The following FAM227A variants were observed in gnomAD, a reference collection of about 807,000 sequenced individuals.
FAM227A encodes the protein family with sequence similarity 227 member A, also known as protein FAM227A.
In FAM227A, 80 loss-of-function variants were observed where a neutral mutation model predicts 74.7. The observed-to-expected ratio is 1.07, with a 90% confidence interval of 0.89 to 1.29. The LOEUF (loss-of-function observed/expected upper bound fraction) is 1.29. Among genes scored for constraint, FAM227A ranks in the 50% most tolerant of loss-of-function variants. The probability of loss-of-function intolerance (pLI) is 0.00; values close to 1 mark genes in which losing one functional copy is unlikely to be tolerated. For synonymous variants in FAM227A, 237 were observed against 241.8 expected (o/e 0.98, Z 0.19); for missense variants, 654 against 683.4 (o/e 0.96, Z 0.48).
intron 6 of FAM227A, among the ~76,000 whole-genome samples, chr22:38,631,600 G>C (rs946954501): frequency 6.6e-6 from 1 of 152,132 alleles, no homozygotes; most frequent in Non-Finnish European, 1.5e-5. Flanking sequence ...TCAGAGACGG[G>C]GAAAGCGTGT....
At chr22:38,613,042 T>A (rs774624802) in intron 11 of FAM227A, among the ~76,000 whole-genome samples, 29 of 116,786 alleles carry the variant, frequency 2.5e-4, no homozygotes, top group East Asian at 1.1e-3. Flanking sequence ...AAATATATTT[T>A]TATATATATA....
intron 9 of FAM227A, among the ~76,000 whole-genome samples, chr22:38,625,287 G>A (rs1569218542): frequency 6.6e-6 from 1 of 151,918 alleles, no homozygotes; most frequent in African/African-American, 2.4e-5. Context: ...TACTCGGGAG[G>A]CTGAGGCAGG....
chr22:38,613,258 T>TAAC (rs2091478843), intron 11 of FAM227A, among the ~76,000 whole-genome samples: 2 of 71,600 alleles, frequency 2.8e-5, no homozygotes, highest in African/African-American at 1.1e-4. Flanking sequence ...ATATAACATA[T>TAAC]ATTATAACAT....
In FAM227A at chr22:38,638,799, ACT is replaced by A. The variant is rs1211367633; in HGVS notation, c.317_318del (p.Gln106LeufsTer23). On this transcript the variant is annotated frameshift_variant, in exon 5 of 17. Transcript: ENST00000535113. LOFTEE classifies it high-confidence loss of function. Reference protein sequence around the residue: ...EDKVKRQRKSQYSCKGSELRH... With the variant: ...EDKVKRQRKSXYSCKGSELRH... ...CTGAGTTCGGAGCCTTTGCAGGAAT[ACT>A]GAGATTTCCTTTGTCTCTTGACTGC... The A allele has an allele frequency of 6.5e-7, 1 of 1,537,002 alleles. No individual in the cohort carries two copies. The highest frequency in any genetic ancestry group is 8.7e-7 in the Non-Finnish European group (1 of 1,143,022).
Position 38,647,396 on chromosome 22 carries a change from G to A in FAM227A, c.143-1751C>T, listed in dbSNP as rs1050842986. Among the ~76,000 whole-genome samples the A allele has an allele frequency of 9.2e-5, 14 of 152,104 alleles. No homozygotes were observed. In the South Asian group the frequency reaches 1.5e-3, roughly 16 times the overall value. ...GGAGAATCTCTTGAACCCAGGAGGC[G>A]GACGTTGCAGTGAGCTGAGATTGCG... On this transcript the variant is annotated intron_variant, in intron 2 of 16. Transcript: ENST00000535113.
chr22:38,609,809 T>C (rs371029630), intron 11 of FAM227A, among the ~76,000 whole-genome samples: 1 of 152,082 alleles, frequency 6.6e-6, no homozygotes, highest in Non-Finnish European at 1.5e-5. Context: ...TTCACTCTTG[T>C]TGCCCAGGCT....
chr22:38,647,730 C>T (rs769851463), intron 2 of FAM227A, among the ~76,000 whole-genome samples: 8 of 152,134 alleles, frequency 5.3e-5, no homozygotes, highest in Non-Finnish European at 7.3e-5. Flanking sequence ...AATCCTATCA[C>T]CCCTCACTCC....
chr22:38,617,631 C>T (rs901646983), intron 11 of FAM227A, among the ~76,000 whole-genome samples: 2 of 152,154 alleles, frequency 1.3e-5, no homozygotes, highest in Non-Finnish European at 2.9e-5. Flanking sequence ...CCTCCAATGC[C>T]ATTTGTTAAG....
chr22:38,626,891 A>AATAT lies in FAM227A; in HGVS notation c.727-592_727-589dup, dbSNP rs1555966997. 8.0e-3 allele frequency among the ~76,000 whole-genome samples: 464 copies of AATAT among 57,640 alleles called. 6 individuals carry two copies. Among genetic ancestry groups the AATAT allele is most frequent in the Middle Eastern group, 0.045 (3 of 66 alleles). The allele number at this position is 57,640 out of a possible 152,430, so 37.8% of individuals were successfully genotyped here. On this transcript the variant is annotated intron_variant, in intron 8 of 16. Coordinates refer to ENST00000535113, the MANE Select transcript of FAM227A (RefSeq NM_001013647.2). ...AAAAAAAAAAAAAAAAAAAAAAAAA[A>AATAT]ATATATATATATATATATATATACA...
intron 7 of FAM227A, 114 bp from the exon 8 acceptor site, chr22:38,628,456 T>G (rs138343900): frequency 5.2e-4 from 368 of 710,168 alleles, no homozygotes; most frequent in Middle Eastern, 4.4e-3. Flanking sequence ...ATTCTCAAGA[T>G]ATTTAGCCTC....
chr22:38,623,284 G>A lies in FAM227A; in HGVS notation c.851-5C>T, dbSNP rs1278152273. The A allele has an allele frequency of 6.5e-7, 1 of 1,546,504 alleles. No homozygotes were observed. Among genetic ancestry groups the A allele is most frequent in the Non-Finnish European group, 8.8e-7 (1 of 1,142,420 alleles). On this transcript the variant is annotated splice_region_variant and splice_polypyrimidine_tract_variant and intron_variant, in intron 9 of 16. Transcript: ENST00000535113. ...TCTGTGGGCTAGGATAGGTGCCTAA[G>A]GGAGGAGTCAAGAGTGAGAATGGGG...
intron 3 of FAM227A, among the ~76,000 whole-genome samples, chr22:38,640,145 T>C (rs2092083759): frequency 6.6e-6 from 1 of 152,092 alleles, no homozygotes; most frequent in Admixed American, 6.6e-5. Flanking sequence ...CCCATTCTCC[T>C]GCCTCAGCCT....
intron 6 of FAM227A, among the ~76,000 whole-genome samples, chr22:38,635,226 CT>C (rs1452984553): frequency 1.1e-5 from 1 of 94,260 alleles, no homozygotes; most frequent in African/African-American, 5.1e-5. Context: ...GAGACTCTGT[CT>C]CAAAAAAAAA....
At chr22:38,607,790 G>A (rs969552189) in intron 11 of FAM227A, among the ~76,000 whole-genome samples, 5 of 152,066 alleles carry the variant, frequency 3.3e-5, no homozygotes, top group African/African-American at 1.2e-4. Flanking sequence ...TTCCTTGTAG[G>A]ATTAAGTCAG....
chr22:38,614,599 TTGA>T (rs1248303377), intron 11 of FAM227A, among the ~76,000 whole-genome samples: 6 of 152,290 alleles, frequency 3.9e-5, no homozygotes, highest in Admixed American at 3.9e-4. Flanking sequence ...GTGTCTGCTC[TTGA>T]TGAGAGAGGC....
chr22:38,614,971 C>A (rs1422437630), intron 11 of FAM227A, among the ~76,000 whole-genome samples: 4 of 152,160 alleles, frequency 2.6e-5, no homozygotes, highest in South Asian at 2.1e-4. Flanking sequence ...ACATAGATGA[C>A]CTCATTCACG....
In FAM227A at chr22:38,645,532, C is replaced by T. The variant is rs1195604371; in HGVS notation, c.225+31G>A. ...CCCCGGGGCCCTTCCCTGTCAGAAGCTTTGTCTCAGCTCCAGCATAGGTAA... is the reference window on the plus strand; with the variant it reads ...CCCCGGGGCCCTTCCCTGTCAGAAGTTTTGTCTCAGCTCCAGCATAGGTAA... On this transcript the variant is annotated intron_variant, in intron 3 of 16. Coordinates refer to ENST00000535113, the MANE Select transcript of FAM227A (RefSeq NM_001013647.2). 5 of 1,505,482 alleles carry T rather than the reference C, an allele frequency of 3.3e-6. No individual in the cohort carries two copies. In the East Asian group the frequency reaches 7.4e-5, roughly 22 times the overall value. 93.3% of individuals were successfully genotyped at this position (1,505,482 alleles called of 1,614,324 possible).
At chr22:38,649,745 G>A (rs1339526150) in intron 2 of FAM227A, among the ~76,000 whole-genome samples, 1 of 151,658 alleles carries the variant, frequency 6.6e-6, no homozygotes, top group African/African-American at 2.4e-5. Flanking sequence ...GCAGGCACCT[G>A]TAATTTCAGC....
intron 8 of FAM227A, among the ~76,000 whole-genome samples, chr22:38,626,893 T>A (rs9610985): frequency 0.26 from 10,312 of 39,774 alleles, 1,119 homozygotes; most frequent in East Asian, 0.32. Flanking sequence ...AAAAAAAAAA[T>A]ATATATATAT....
Sources: gnomAD v4.1 joint callset for allele counts (sites outside exome capture counted in the v4.1 genomes callset) on GRCh38, gnomAD v4.1.1 for gene constraint, MANE v1.5 for transcripts, NCBI Gene and HGNC (gene_info 2026-07-23, HGNC 2026-07-21) for gene names.